ASTN2: variants seen among roughly 807,000 people sequenced by gnomAD.
ASTN2 encodes astrotactin 2.
ASTN2 carries 54 observed loss-of-function variants against 139.8 expected under a neutral mutation model. The ratio of observed to expected loss-of-function variants is 0.39; its 90% CI spans 0.31 to 0.48. The LOEUF is 0.48. Ranked by LOEUF, ASTN2 falls within the 20% of genes least tolerant of loss-of-function variation. The pLI, the probability that ASTN2 is intolerant of heterozygous loss-of-function variation, is 0.95. For missense variants in ASTN2, 1,565 were observed against 1,725.1 expected, an observed-to-expected ratio of 0.91 and a Z score of 1.64; for synonymous variants, 756 against 719.5, an observed-to-expected ratio of 1.05 and a Z score of -0.81.
intron 2 of ASTN2, among the ~76,000 whole-genome samples, chr9:117,290,771 G>A (rs1834569412): frequency 6.6e-6 from 1 of 152,148 alleles, no homozygotes; most frequent in South Asian, 2.1e-4. Context: ...AAGTTTCTTT[G>A]CCCCTCAGCC....
At chr9:116,839,859 C>CATTATTATTATT (rs749979493) in intron 11 of ASTN2, among the ~76,000 whole-genome samples, 7 of 125,932 alleles carry the variant, frequency 5.6e-5, no homozygotes, top group Middle Eastern at 4.0e-3. Context: ...TATTTTATTT[C>CATTATTATTATT]ATTATTATTA....
At position 116,908,330 on chromosome 9, in the gene ASTN2, C is replaced by T. The variant is rs144623471; in HGVS notation, c.1890-44597G>A. On this transcript the variant is annotated intron_variant, in intron 10 of 22. Transcript: ENST00000313400. ...AGTTGTAGTTTTTCTCTAAGTCAGC[C>T]TTTTCCTCATCTGTAAAATGGGGAA... Among the ~76,000 whole-genome samples, 306 of 152,286 alleles carry T rather than the reference C, an allele frequency of 2.0e-3. 2 individuals carry two copies. Among genetic ancestry groups the T allele is most frequent in the Middle Eastern group, 0.01 (3 of 294 alleles).
intron 13 of ASTN2, among the ~76,000 whole-genome samples, chr9:116,752,109 A>G (rs573025980): frequency 6.6e-6 from 1 of 152,352 alleles, no homozygotes; most frequent in Non-Finnish European, 1.5e-5. Flanking sequence ...CTATAAAGCT[A>G]GAGTAATCAA....
At chr9:116,600,702 T>C (rs1463690401) in intron 19 of ASTN2, among the ~76,000 whole-genome samples, 1 of 152,208 alleles carries the variant, frequency 6.6e-6, no homozygotes, top group Admixed American at 6.5e-5. Context: ...CTCTTTACCA[T>C]GACTTAAATC....
At chr9:117,400,495 C>T (rs574850301) in intron 1 of ASTN2, among the ~76,000 whole-genome samples, 1 of 152,242 alleles carries the variant, frequency 6.6e-6, no homozygotes, top group South Asian at 2.1e-4. Context: ...GAGGGAGGGA[C>T]AGTAGGAACC....
chr9:116,568,233 C>A (rs1853332960), intron 19 of ASTN2, among the ~76,000 whole-genome samples: 1 of 152,184 alleles, frequency 6.6e-6, no homozygotes, highest in South Asian at 2.1e-4. Context: ...ATCCATTTAG[C>A]AGGTAGAAAA....
intron 1 of ASTN2, among the ~76,000 whole-genome samples, chr9:117,406,196 G>A (rs1830981863): frequency 1.3e-5 from 2 of 152,190 alleles, no homozygotes; most frequent in South Asian, 2.1e-4. Context: ...GGCAAACAGC[G>A]TGAGACACAT....
chr9:116,964,256 T>TGTGTGTGTGCGCGC (rs1491183340), intron 10 of ASTN2, among the ~76,000 whole-genome samples: 14 of 98,862 alleles, frequency 1.4e-4, no homozygotes, highest in African/African-American at 4.5e-4. Flanking sequence ...TGTGTGTGTG[T>TGTGTGTGTGCGCGC]GCGCGCGCGC....
At chr9:117,055,901 G>T (rs951451147) in intron 5 of ASTN2, among the ~76,000 whole-genome samples, 1 of 152,210 alleles carries the variant, frequency 6.6e-6, no homozygotes, top group African/African-American at 2.4e-5. Flanking sequence ...CCAAGGTTAG[G>T]TTATGAAAGA....
At chr9:116,859,260 G>T (rs1258567704) in intron 11 of ASTN2, among the ~76,000 whole-genome samples, 2 of 152,154 alleles carry the variant, frequency 1.3e-5, no homozygotes, top group Non-Finnish European at 2.9e-5. Context: ...CCAGTCACAG[G>T]TTCTGGGAAT....
chr9:116,935,577 GAA>G (rs967147559), intron 10 of ASTN2, among the ~76,000 whole-genome samples: 3 of 150,806 alleles, frequency 2.0e-5, no homozygotes, highest in Admixed American at 2.0e-4. Flanking sequence ...GCAAAAAAAA[GAA>G]AAAAAAAGAC....
intron 5 of ASTN2, among the ~76,000 whole-genome samples, chr9:117,079,253 G>A (rs572170414): frequency 1.3e-5 from 2 of 152,228 alleles, no homozygotes; most frequent in East Asian, 1.9e-4. Flanking sequence ...CTTCTTGGGG[G>A]GCTGGGGAAG....
At chr9:116,619,878 A>G (rs775447280) in intron 18 of ASTN2, among the ~76,000 whole-genome samples, 4 of 151,752 alleles carry the variant, frequency 2.6e-5, no homozygotes, top group Non-Finnish European at 5.9e-5. Context: ...TTTGGCATCT[A>G]TCTCCTCCAC....
At position 117,201,303 on chromosome 9, in the gene ASTN2, T is replaced by C. The variant is rs143618522; in HGVS notation, c.1015+13055A>G. On this transcript the variant is annotated intron_variant, in intron 3 of 22. Transcript: ENST00000313400. ...CTAGCTAGCAGTCTATCTATTTTGT[T>C]AATTTTTTCAAAAAACCAGCCTCTG... Among the ~76,000 whole-genome samples the C allele has an allele frequency of 1.9e-3, 291 of 152,228 alleles. 1 individual carries two copies. Among genetic ancestry groups the C allele is most frequent in the Middle Eastern group, 6.8e-3 (2 of 294 alleles).
intron 7 of ASTN2, among the ~76,000 whole-genome samples, chr9:117,004,358 C>T (rs1428771739): frequency 1.3e-5 from 2 of 152,064 alleles, no homozygotes; most frequent in East Asian, 1.9e-4. Flanking sequence ...TGGGCTCAAG[C>T]GATCCACTTG....
intron 3 of ASTN2, among the ~76,000 whole-genome samples, chr9:117,161,849 C>A (rs1830560669): frequency 7.3e-6 from 1 of 137,204 alleles, no homozygotes. Flanking sequence ...ACAATTTTCA[C>A]ACATTTTTCT....
At chr9:117,170,712 A>G (rs1830771746) in intron 3 of ASTN2, among the ~76,000 whole-genome samples, 1 of 152,116 alleles carries the variant, frequency 6.6e-6, no homozygotes. Flanking sequence ...GAGTGTTCCA[A>G]CAGAGAAGAC....
chr9:116,553,302 G>T (rs746977328), intron 19 of ASTN2, among the ~76,000 whole-genome samples: 1 of 152,156 alleles, frequency 6.6e-6, no homozygotes, highest in Admixed American at 6.5e-5. Context: ...ATAAAAAGGT[G>T]CAACTTTAGA....
chr9:116,857,959 T>C lies in ASTN2; in HGVS notation c.2040+5624A>G, dbSNP rs561958788. On this transcript the variant is annotated intron_variant, in intron 11 of 22. Coordinates refer to ENST00000313400, the MANE Select transcript of ASTN2 (RefSeq NM_001365068.1). ...GCACTTAGAACGCTGGATCTTGGGA[T>C]GGTCCCTTGGTAAGCCCAGGTTCCA... Among the ~76,000 whole-genome samples, 218 of 152,248 alleles carry C rather than the reference T, an allele frequency of 1.4e-3. 1 individual carries two copies. Among genetic ancestry groups the C allele is most frequent in the Non-Finnish European group, 2.5e-3 (169 of 68,018 alleles).
Sources: allele counts gnomAD v4.1 joint callset (sites outside exome capture counted in the v4.1 genomes callset), GRCh38; gene constraint gnomAD v4.1.1; transcripts MANE v1.5; gene names NCBI Gene and HGNC (gene_info 2026-07-23, HGNC 2026-07-21).